LARGE1: variants seen among roughly 807,000 people sequenced by gnomAD.
The protein encoded by LARGE1 is xylosyl- and glucuronyltransferase LARGE1.
LARGE1 carries 43 observed loss-of-function variants against 87.6 expected under a neutral mutation model. That is an observed-to-expected ratio of 0.49 (90% confidence interval 0.38 to 0.63). The LOEUF is 0.63. Among genes scored for constraint, LARGE1 ranks in the 30% least tolerant of loss-of-function variants. The pLI is 0.00. For synonymous variants in LARGE1, 434 were observed against 394.6 expected (o/e 1.10, Z -1.18); for missense variants, 802 against 1,000.2 (o/e 0.80, Z 2.67).
chr22:33,091,878 G>C, the LARGE1 span, among the ~76,000 whole-genome samples: 1 of 152,090 alleles, frequency 6.6e-6, no homozygotes, highest in African/African-American at 2.4e-5. Context: ...TAGTCTTCAT[G>C]TTCTTCTTCT....
intron 6 of LARGE1, among the ~76,000 whole-genome samples, chr22:33,464,585 T>G (rs2068511838): frequency 6.6e-6 from 1 of 152,112 alleles, no homozygotes; most frequent in African/African-American, 2.4e-5. Context: ...TTCTCAGAAA[T>G]TCAACCAGCC....
the LARGE1 span, among the ~76,000 whole-genome samples, chr22:33,076,694 C>A: frequency 1.1e-4 from 16 of 152,008 alleles, no homozygotes; most frequent in Admixed American, 7.9e-4. Context: ...GCCTACAGAT[C>A]TGTCCAATAG....
chr22:33,748,069 C>G (rs2084164994), intron 2 of LARGE1, among the ~76,000 whole-genome samples: 1 of 128,740 alleles, frequency 7.8e-6, no homozygotes, highest in African/African-American at 2.9e-5. Flanking sequence ...TATCCATTAT[C>G]TAAGGCTCCA....
intron 2 of LARGE1, among the ~76,000 whole-genome samples, chr22:33,678,040 T>C (rs1276713908): frequency 6.6e-6 from 1 of 151,974 alleles, no homozygotes; most frequent in Non-Finnish European, 1.5e-5. Flanking sequence ...AGCAGACAGA[T>C]CAGAGGAACA....
At chr22:33,640,201 G>T (rs151007107) in intron 3 of LARGE1, among the ~76,000 whole-genome samples, 1 of 152,164 alleles carries the variant, frequency 6.6e-6, no homozygotes, top group Non-Finnish European at 1.5e-5. Flanking sequence ...TGGCTTTTTC[G>T]TTAAAATCCT....
chr22:33,606,966 AC>A lies in LARGE1; in HGVS notation c.492-2409del, dbSNP rs559835849. ...AGTGGTTGCCTGTCTACTTGTCTACACCCCCCATGTGAGCTCAGCAAGCTCA... is the reference window on the plus strand; with the variant it reads ...AGTGGTTGCCTGTCTACTTGTCTACACCCCCATGTGAGCTCAGCAAGCTCA... On this transcript the variant is annotated intron_variant, in intron 4 of 14. Transcript: ENST00000397394. Among the ~76,000 whole-genome samples, 169 of 151,816 alleles carry A rather than the reference AC, an allele frequency of 1.1e-3. 2 individuals carry two copies. The highest frequency in any genetic ancestry group is 3.7e-3 in the African/African-American group (154 of 41,370).
chr22:33,398,228 A>C (rs746077125), intron 7 of LARGE1, among the ~76,000 whole-genome samples: 9 of 152,078 alleles, frequency 5.9e-5, no homozygotes, highest in Admixed American at 1.3e-4. Context: ...GAAAAAAAAA[A>C]ACCTCAAAGA....
At chr22:33,143,086 A>C in the LARGE1 span, among the ~76,000 whole-genome samples, 1 of 152,202 alleles carries the variant, frequency 6.6e-6, no homozygotes, top group Non-Finnish European at 1.5e-5. Flanking sequence ...GAAATGAGAC[A>C]TATTCCTTCT....
At chr22:33,756,786 T>G (rs534733705) in intron 2 of LARGE1, among the ~76,000 whole-genome samples, 2 of 152,256 alleles carry the variant, frequency 1.3e-5, no homozygotes, top group East Asian at 3.9e-4. Context: ...AGTGGGCTGT[T>G]GTGCTTAGTC....
intron 9 of LARGE1, among the ~76,000 whole-genome samples, chr22:33,346,257 TTCTCTCTC>T (rs66972397): frequency 1.3e-5 from 2 of 149,772 alleles, no homozygotes; most frequent in Non-Finnish European, 3.0e-5. Flanking sequence ...CCTTCCTCTC[TTCTCTCTC>T]TCTCTCTTTC....
chr22:33,304,091 C>T, intron 12 of LARGE1, 138 bp downstream of exon 12: 1 of 950,314 alleles, frequency 1.1e-6, no homozygotes, highest in South Asian at 1.5e-5. Context: ...AGGTCCCTTC[C>T]CCTTTCTGGG....
chr22:33,873,941 T>C (rs1378527479), intron 1 of LARGE1, among the ~76,000 whole-genome samples: 4 of 151,562 alleles, frequency 2.6e-5, no homozygotes, highest in African/African-American at 9.7e-5. Flanking sequence ...AACCCTGATA[T>C]TTCTTCCTTC....
At chr22:33,750,519 AT>A (rs1411600365) in intron 2 of LARGE1, 2 of 152,160 alleles carry the variant, frequency 1.3e-5, no homozygotes, top group African/African-American at 4.8e-5. Flanking sequence ...CATTATTGTT[AT>A]AGTTTAAATA....
intron 6 of LARGE1, among the ~76,000 whole-genome samples, chr22:33,514,454 C>G (rs1353367455): frequency 6.6e-6 from 1 of 151,850 alleles, no homozygotes; most frequent in Non-Finnish European, 1.5e-5. Flanking sequence ...CAAAAATATT[C>G]TAAGAAAAAA....
intron 2 of LARGE1, among the ~76,000 whole-genome samples, chr22:33,751,541 T>A (rs2084316429): frequency 6.6e-6 from 1 of 151,480 alleles, no homozygotes. Flanking sequence ...ATTAGCAGCA[T>A]CCCAAAGTCT....
chr22:33,334,906 G>A (rs963832758), intron 10 of LARGE1, among the ~76,000 whole-genome samples: 4 of 152,154 alleles, frequency 2.6e-5, no homozygotes, highest in Admixed American at 1.3e-4. Context: ...GTATGGTCAC[G>A]GATTCCGAGA....
chr22:33,723,392 G>C (rs2083168277), intron 2 of LARGE1, among the ~76,000 whole-genome samples: 1 of 152,126 alleles, frequency 6.6e-6, no homozygotes, highest in African/African-American at 2.4e-5. Context: ...CCAGGATGTG[G>C]GTGATGTACA....
At chr22:33,448,219 G>A (rs756710475) in intron 6 of LARGE1, among the ~76,000 whole-genome samples, 7 of 152,094 alleles carry the variant, frequency 4.6e-5, no homozygotes, top group Non-Finnish European at 1.0e-4. Flanking sequence ...CCACTGGATT[G>A]CACCCTTTAA....
chr22:33,815,556 T>G (rs1440551564), intron 1 of LARGE1, among the ~76,000 whole-genome samples: 2 of 152,216 alleles, frequency 1.3e-5, no homozygotes, highest in Non-Finnish European at 2.9e-5. Context: ...TGGTGGCTTC[T>G]ACAACCAGAA....
Sources: gnomAD v4.1 joint callset for allele counts (sites outside exome capture counted in the v4.1 genomes callset) on GRCh38, gnomAD v4.1.1 for gene constraint, MANE v1.5 for transcripts, NCBI Gene and HGNC (gene_info 2026-07-23, HGNC 2026-07-21) for gene names.